The following ARHGAP5 variants were observed in gnomAD, a reference collection of about 807,000 sequenced individuals.
ARHGAP5 encodes Rho GTPase activating protein 5, also known as rho GTPase-activating protein 5.
Under a neutral mutation model 116.6 loss-of-function variants are expected in ARHGAP5, and 23 were observed. The ratio of observed to expected loss-of-function variants is 0.20; its 90% CI spans 0.14 to 0.28. The LOEUF (loss-of-function observed/expected upper bound fraction) is 0.28, where lower values mean the gene tolerates loss of function less well. Ranked by LOEUF, ARHGAP5 falls within the 10% of genes least tolerant of loss-of-function variation. ARHGAP5 has a pLI of 1.00. For missense variants in ARHGAP5, 1,405 were observed against 1,774.8 expected (o/e 0.79, Z 3.74); for synonymous variants, 574 against 602.0 (o/e 0.95, Z 0.68).
chr14:32,147,956 C>T (rs946737993), intron 4 of ARHGAP5, among the ~76,000 whole-genome samples: 3 of 152,180 alleles, frequency 2.0e-5, no homozygotes, highest in African/African-American at 4.8e-5. Flanking sequence ...AGTTCTAGCC[C>T]AGCCTGGGCA....
chr14:32,120,987 A>AATT (rs1281743290), intron 3 of ARHGAP5, among the ~76,000 whole-genome samples: 1 of 145,030 alleles, frequency 6.9e-6, no homozygotes, highest in East Asian at 2.0e-4. Context: ...AAGATCTTTT[A>AATT]ATTTCATACA....
At position 32,092,592 on chromosome 14, in the gene ARHGAP5, G is replaced by T; in HGVS notation, c.1923G>T (p.Ser641=). 6.2e-7 allele frequency: 1 copy of T among 1,613,576 alleles called. No homozygotes were observed. Among genetic ancestry groups the T allele is most frequent in the East Asian group, 2.2e-5 (1 of 44,880 alleles). Residue 641 remains serine, a synonymous_variant, in exon 2 of 7, where the codon TCG becomes TCT. Transcript: ENST00000345122. This position sits in a 1 kb window ranked among gnomAD's most constrained non-coding sequence, Gnocchi z 4.1. ...ATCTTCGGCCGGTTGATGCCAAATCGCCTTACTTTTTGAGTCAGTTATGGA... is the reference window on the plus strand; with the variant it reads ...ATCTTCGGCCGGTTGATGCCAAATCTCCTTACTTTTTGAGTCAGTTATGGA... ...ELDLRPVDAK[S]PYFLSQLWTA...
Position 32,091,071 on chromosome 14 carries a change from C to T in ARHGAP5, c.402C>T (p.Cys134=). 6.2e-7 allele frequency: 1 copy of T among 1,613,666 alleles called. No homozygotes were observed. The highest frequency in any genetic ancestry group is 8.5e-7 in the Non-Finnish European group (1 of 1,179,682). Residue 134 remains cysteine (C), a synonymous_variant, in exon 2 of 7, where the codon TGC becomes TGT. Coordinates refer to ENST00000345122, the MANE Select transcript of ARHGAP5 (RefSeq NM_001030055.2). ...CAGCAGAAAAACTAATGTACATTTG[C>T]ACTGATCAGCTAGGCTTAGAACAAG... ...LQSAEKLMYI[C]TDQLGLEQDF... is the part of the protein sequence containing the mutation.
chr14:32,103,683 G>A (rs1460569589), intron 2 of ARHGAP5, among the ~76,000 whole-genome samples: 1 of 151,814 alleles, frequency 6.6e-6, no homozygotes. Context: ...TACAAATTGT[G>A]TCAATCCTAG....
chr14:32,078,058 T>C (rs539838844), intron 1 of ARHGAP5, among the ~76,000 whole-genome samples: 2 of 151,986 alleles, frequency 1.3e-5, no homozygotes, highest in Non-Finnish European at 1.5e-5. Flanking sequence ...CCCAGAGTCC[T>C]ATGGGCTGAC....
rs111787138 is a variant in ARHGAP5 at position 32,136,713 on chromosome 14, A to G, written c.3866-9550A>G. Among the ~76,000 whole-genome samples, 571 of 152,344 alleles carry G rather than the reference A, an allele frequency of 3.7e-3. 3 individuals carry two copies. The highest frequency in any genetic ancestry group is 0.013 in the African/African-American group (539 of 41,584). On this transcript the variant is annotated intron_variant, in intron 3 of 6. Transcript: ENST00000345122. The stretch of plus-strand genomic sequence containing the variant: ...TTTTCTACAGCAGCTACACTATTTT[A>G]CATTCTTATCAGCAGTGTACAGGTG...
chr14:32,092,759 C>T lies in ARHGAP5; in HGVS notation c.2090C>T (p.Thr697Ile), dbSNP rs749207325. The T allele has an allele frequency of 1.2e-6, 2 of 1,613,874 alleles. No homozygotes were observed. The highest frequency in any genetic ancestry group is 1.7e-6 in the Non-Finnish European group (2 of 1,179,876). Residue 697 changes from threonine to isoleucine, a missense_variant, in exon 2 of 7, where the codon ACA becomes ATA. Coordinates refer to ENST00000345122, the MANE Select transcript of ARHGAP5 (RefSeq NM_001030055.2). The surrounding 1 kb of genome is among the most constrained non-coding windows in gnomAD (Gnocchi z 4.1). ...AAATACATGGCTAATCTTCCATTTA[C>T]ATTAATTCTGGCTAATCAGAGAGAT... ...KDKYMANLPF[T>I]LILANQRDSI...
At chr14:32,125,015 T>G (rs535611240) in intron 3 of ARHGAP5, among the ~76,000 whole-genome samples, 2 of 152,292 alleles carry the variant, frequency 1.3e-5, no homozygotes, top group Admixed American at 1.3e-4. Context: ...TGAGGTGCAA[T>G]TCATAAATAA....
intron 5 of ARHGAP5, among the ~76,000 whole-genome samples, chr14:32,150,607 GAAC>G (rs1459805433): frequency 6.6e-6 from 1 of 152,090 alleles, no homozygotes; most frequent in African/African-American, 2.4e-5. Flanking sequence ...CTTTTATCAG[GAAC>G]TCATTCCCAA....
At chr14:32,088,582 A>T (rs923951283) in intron 1 of ARHGAP5, among the ~76,000 whole-genome samples, 3 of 152,050 alleles carry the variant, frequency 2.0e-5, no homozygotes, top group African/African-American at 7.2e-5. Context: ...GGTAAAGAAC[A>T]TTAAAGCTGA....
intron 3 of ARHGAP5, among the ~76,000 whole-genome samples, chr14:32,120,276 GTCTT>G (rs1555357809): frequency 6.6e-6 from 1 of 151,916 alleles, no homozygotes; most frequent in Non-Finnish European, 1.5e-5. Flanking sequence ...CTGTAGTGAC[GTCTT>G]TCTTCCCTGA....
intron 1 of ARHGAP5, among the ~76,000 whole-genome samples, chr14:32,082,531 T>C (rs2041787432): frequency 6.6e-6 from 1 of 152,130 alleles, no homozygotes; most frequent in Non-Finnish European, 1.5e-5. Context: ...CTTGCATTGC[T>C]CTTTTATTGA....
At chr14:32,088,315 A>T (rs983252812) in intron 1 of ARHGAP5, among the ~76,000 whole-genome samples, 19 of 151,912 alleles carry the variant, frequency 1.3e-4, no homozygotes, top group African/African-American at 4.1e-4. Flanking sequence ...TCACCAGATA[A>T]GTCTTCTTTT....
At chr14:32,146,712 A>C (rs1468750068) in intron 4 of ARHGAP5, among the ~76,000 whole-genome samples, 1 of 152,226 alleles carries the variant, frequency 6.6e-6, no homozygotes, top group Non-Finnish European at 1.5e-5. Context: ...AATATTGTAT[A>C]AATTTTTAAT....
chr14:32,098,463 G>A (rs1878637029), intron 2 of ARHGAP5, among the ~76,000 whole-genome samples: 1 of 152,166 alleles, frequency 6.6e-6, no homozygotes, highest in South Asian at 2.1e-4. Flanking sequence ...GGGGGTTGGT[G>A]ACATAGAATG....
intron 1 of ARHGAP5, among the ~76,000 whole-genome samples, chr14:32,084,921 A>T (rs1395706754): frequency 6.6e-6 from 1 of 152,028 alleles, no homozygotes; most frequent in Non-Finnish European, 1.5e-5. Context: ...AGGAAGGAGG[A>T]TCATTTGAGC....
intron 2 of ARHGAP5, among the ~76,000 whole-genome samples, chr14:32,105,982 T>C (rs1205151666): frequency 2.0e-5 from 3 of 152,324 alleles, no homozygotes; most frequent in Admixed American, 2.0e-4. Flanking sequence ...TAATATTCCA[T>C]AATATGGATA....
chr14:32,080,968 T>C (rs550022837), intron 1 of ARHGAP5, among the ~76,000 whole-genome samples: 16 of 152,298 alleles, frequency 1.1e-4, no homozygotes, highest in African/African-American at 3.9e-4. Context: ...GTCTCAAGCT[T>C]TTCATCATGA....
intron 3 of ARHGAP5, among the ~76,000 whole-genome samples, chr14:32,130,365 TCA>T (rs1880413953): frequency 6.7e-6 from 1 of 149,730 alleles, no homozygotes; most frequent in East Asian, 2.0e-4. Flanking sequence ...GTGCCTGCTA[TCA>T]CACCAGGCTA....
Sources: allele counts gnomAD v4.1 joint callset (sites outside exome capture counted in the v4.1 genomes callset), GRCh38; gene constraint gnomAD v4.1.1; non-coding constraint Gnocchi (gnomAD v3.1); transcripts MANE v1.5; gene names NCBI Gene and HGNC (gene_info 2026-07-23, HGNC 2026-07-21).